Variants in HOATZ observed in about 807,000 individuals in gnomAD.
HOATZ encodes the protein HOATZ cilia and flagella associated protein.
In HOATZ, 26 loss-of-function variants were observed where a neutral mutation model predicts 24.9. That is an observed-to-expected ratio of 1.04 (90% CI 0.76 to 1.45). HOATZ has a LOEUF of 1.45. Ranked by LOEUF, HOATZ falls within the 40% of genes most tolerant of loss-of-function variation. The probability of loss-of-function intolerance (pLI) is 0.00; values close to 1 mark genes in which losing one functional copy is unlikely to be tolerated. For synonymous variants in HOATZ, 83 were observed against 76.6 expected, an observed-to-expected ratio of 1.08 and a Z score of -0.43; for missense variants, 226 against 201.5, an observed-to-expected ratio of 1.12 and a Z score of -0.74.
At chr11:111,524,372 A>G (rs1867308977) in intron 3 of HOATZ, among the ~76,000 whole-genome samples, 1 of 152,244 alleles carries the variant, frequency 6.6e-6, no homozygotes, top group South Asian at 2.1e-4. Context: ...AAAATTTGAT[A>G]GACGTTCAAA....
chr11:111,519,312 G>C (rs1361545280), intron 3 of HOATZ: 1 of 172,792 alleles, frequency 5.8e-6, no homozygotes, highest in Non-Finnish European at 1.3e-5. Context: ...TTTGTTTATT[G>C]AATAAATAAA....
At chr11:111,519,085 T>A in intron 3 of HOATZ, 1 of 454,934 alleles carries the variant, frequency 2.2e-6, no homozygotes, top group Non-Finnish European at 4.4e-6. Context: ...ACTTACTATT[T>A]GTGTGACCTT....
At chr11:111,522,871 A>C (rs1299740994) in intron 3 of HOATZ, among the ~76,000 whole-genome samples, 2 of 152,206 alleles carry the variant, frequency 1.3e-5, no homozygotes, top group Non-Finnish European at 2.9e-5. Flanking sequence ...AGATCACCTA[A>C]GGTCGGGAAT....
Position 111,516,105 on chromosome 11 carries a change from C to A in HOATZ, c.334C>A (p.Gln112Lys). ...QESEEKVKYL[Q>K]KAKTREEILQ... ...ATCTGAGGAGAAAGTAAAGTATCTC[C>A]AAAAGGTAGGCCAATATTTCAGAAG... Residue 112 changes from glutamine (Q) to lysine (K), a missense_variant, in exon 3 of 6, where the codon CAA becomes AAA. By Grantham distance (53) the Gln-to-Lys change is moderately conservative. Coordinates refer to ENST00000375618, the MANE Select transcript of HOATZ (RefSeq NM_001100388.2). The A allele has an allele frequency of 6.3e-7, 1 of 1,579,346 alleles. No homozygotes were observed. The highest frequency in any genetic ancestry group is 8.6e-7 in the Non-Finnish European group (1 of 1,157,686).
At chr11:111,521,387 C>G (rs2135775476) in intron 3 of HOATZ, among the ~76,000 whole-genome samples, 1 of 152,182 alleles carries the variant, frequency 6.6e-6, no homozygotes, top group East Asian at 1.9e-4. Flanking sequence ...CTTCAGAGAA[C>G]CAAAGCAAAA....
chr11:111,519,020 C>T, intron 3 of HOATZ: 1 of 455,994 alleles, frequency 2.2e-6, no homozygotes, highest in South Asian at 1.6e-5. Context: ...TTACAGGCAC[C>T]ATAGTGTAGT....
chr11:111,525,517 G>A (rs950288240), intron 3 of HOATZ, among the ~76,000 whole-genome samples: 5 of 152,178 alleles, frequency 3.3e-5, no homozygotes, highest in African/African-American at 7.2e-5. Flanking sequence ...TGAAATCATG[G>A]AGCCAAGCTG....
intron 5 of HOATZ, 60 bp downstream of exon 5, chr11:111,534,524 T>C: frequency 1.5e-6 from 2 of 1,292,224 alleles, no homozygotes; most frequent in Non-Finnish European, 2.2e-6. Flanking sequence ...TAGGGAAGCA[T>C]TTCTTTTTTC....
chr11:111,536,832 C>T lies in HOATZ; in HGVS notation c.*5C>T. ...GAAGTCAAAACTTTGGACTAATTTG[C>T]TTGACACATGGCAGAGGATGGCTCA... On this transcript the variant is annotated 3_prime_UTR_variant, in exon 6 of 6. Coordinates refer to ENST00000375618, the MANE Select transcript of HOATZ (RefSeq NM_001100388.2). 6.2e-7 allele frequency: 1 copy of T among 1,612,442 alleles called. No individual in the cohort carries two copies. The highest frequency in any genetic ancestry group is 8.5e-7 in the Non-Finnish European group (1 of 1,178,582).
At chr11:111,522,709 T>G (rs1244422778) in intron 3 of HOATZ, among the ~76,000 whole-genome samples, 1 of 152,170 alleles carries the variant, frequency 6.6e-6, no homozygotes, top group Admixed American at 6.5e-5. Context: ...TAGATCCTCA[T>G]AATTCATGGA....
rs1867328905 is a variant in HOATZ, at chr11:111,525,486, A to G, written c.340-8260A>G. Among the ~76,000 whole-genome samples the G allele has an allele frequency of 3.3e-5, 5 of 152,236 alleles. No individual in the cohort carries two copies. In the South Asian group the frequency reaches 1.0e-3, roughly 31 times the overall value. ...TTGGACATTGTTTAGGTTTTACTCC[A>G]GACATGTGGGCGCCCTGCACTGAAA... On this transcript the variant is annotated intron_variant, in intron 3 of 5. Transcript: ENST00000375618.
At chr11:111,528,508 C>A (rs1423250123) in intron 3 of HOATZ, among the ~76,000 whole-genome samples, 1 of 152,184 alleles carries the variant, frequency 6.6e-6, no homozygotes, top group Non-Finnish European at 1.5e-5. Context: ...ATAAATATTT[C>A]ATTTACACTA....
At chr11:111,531,698 C>CGTA in intron 3 of HOATZ, among the ~76,000 whole-genome samples, 1 of 152,212 alleles carries the variant, frequency 6.6e-6, no homozygotes, top group Admixed American at 6.5e-5. Context: ...TCAAGTAAAA[C>CGTA]GTAGAAATCC....
intron 3 of HOATZ, among the ~76,000 whole-genome samples, chr11:111,520,438 C>T (rs1266427028): frequency 6.6e-6 from 1 of 152,128 alleles, no homozygotes; most frequent in Non-Finnish European, 1.5e-5. Flanking sequence ...ATGCAATCTG[C>T]AGAACAATAT....
intron 3 of HOATZ, among the ~76,000 whole-genome samples, chr11:111,523,597 A>T (rs1355759664): frequency 6.6e-6 from 1 of 152,180 alleles, no homozygotes; most frequent in African/African-American, 2.4e-5. Flanking sequence ...TCACAGTTTA[A>T]CATACCAAGA....
At chr11:111,524,814 A>G in intron 3 of HOATZ, 1 of 420,092 alleles carries the variant, frequency 2.4e-6, no homozygotes, top group South Asian at 1.8e-5. Context: ...TTTATTGTTG[A>G]TATAAACTTT....
Position 111,534,395 on chromosome 11 carries a change from ATTTTG to A in HOATZ, c.400-8_400-4del, listed in dbSNP as rs751342520. ...GTAAAATTTTACCTTTTTGATTTTT[ATTTTG>A]TTTTGTTTCAGAAAGAACTGATTTC... On this transcript the variant is annotated splice_polypyrimidine_tract_variant and intron_variant, in intron 4 of 5. Transcript: ENST00000375618. 8 of 1,595,224 alleles carry A rather than the reference ATTTTG, an allele frequency of 5.0e-6. No homozygotes were observed. In the East Asian group the frequency reaches 8.9e-5, roughly 18 times the overall value.
At chr11:111,535,385 T>A (rs1367450864) in intron 5 of HOATZ, 2 of 152,232 alleles carry the variant, frequency 1.3e-5, no homozygotes, top group African/African-American at 4.8e-5. Flanking sequence ...GACTTAACGA[T>A]ACCAATAGTG....
At chr11:111,526,020 G>T (rs183412179) in intron 3 of HOATZ, among the ~76,000 whole-genome samples, 1 of 152,276 alleles carries the variant, frequency 6.6e-6, no homozygotes, top group East Asian at 1.9e-4. Flanking sequence ...AATCAGGGAG[G>T]ATTTCTACAA....
Sources: gnomAD v4.1 joint callset for allele counts (sites outside exome capture counted in the v4.1 genomes callset) on GRCh38, gnomAD v4.1.1 for gene constraint, MANE v1.5 for transcripts, NCBI Gene and HGNC (gene_info 2026-07-23, HGNC 2026-07-21) for gene names.